Variants in COL4A2 observed in about 807,000 individuals in gnomAD.
COL4A2 encodes collagen type IV alpha 2 chain, also known as collagen alpha-2(IV) chain.
A neutral mutation model predicts 200.2 loss-of-function variants in COL4A2; 99 were observed. The ratio of observed to expected loss-of-function variants is 0.49; its 90% CI spans 0.42 to 0.58. The LOEUF is 0.58. Among genes scored for constraint, COL4A2 ranks in the 20% least tolerant of loss-of-function variants. The probability of loss-of-function intolerance (pLI) is 0.00; values close to 1 mark genes in which losing one functional copy is unlikely to be tolerated. For missense variants in COL4A2, 1,950 were observed against 2,314.1 expected (o/e 0.84, Z 3.23); for synonymous variants, 897 against 900.6 (o/e 1.00, Z 0.07).
chr13:110,439,191 A>G (rs972331796), intron 15 of COL4A2, among the ~76,000 whole-genome samples: 3 of 152,162 alleles, frequency 2.0e-5, no homozygotes, highest in Admixed American at 2.0e-4. Context: ...GACCACACCT[A>G]GCTGAGGGCT....
intron 45 of COL4A2, among the ~76,000 whole-genome samples, chr13:110,504,630 G>A (rs1262321421): frequency 2.6e-5 from 4 of 152,130 alleles, no homozygotes; most frequent in African/African-American, 9.7e-5. Flanking sequence ...TTTGGACAGA[G>A]TCTCGCTCTG....
At chr13:110,467,534 T>C (rs919275190) in intron 27 of COL4A2, among the ~76,000 whole-genome samples, 1 of 152,248 alleles carries the variant, frequency 6.6e-6, no homozygotes, top group Non-Finnish European at 1.5e-5. Context: ...GTGTTTTGTC[T>C]CTAGCACCTG....
chr13:110,406,060 G>A (rs1879556517), intron 4 of COL4A2, among the ~76,000 whole-genome samples: 1 of 152,220 alleles, frequency 6.6e-6, no homozygotes, highest in African/African-American at 2.4e-5. Context: ...TGCAGCTTCC[G>A]AGAAAGTGCT....
At chr13:110,372,741 A>G (rs1878071680) in intron 4 of COL4A2, among the ~76,000 whole-genome samples, 1 of 152,256 alleles carries the variant, frequency 6.6e-6, no homozygotes, top group South Asian at 2.1e-4. Context: ...TGAAGCAAAT[A>G]TTATTTTAAA....
chr13:110,500,014 A>G (rs1466658604), intron 40 of COL4A2, among the ~76,000 whole-genome samples: 1 of 152,146 alleles, frequency 6.6e-6, no homozygotes, highest in East Asian at 1.9e-4. Context: ...ACCCACTTGC[A>G]TGTTGTCTGT....
At chr13:110,374,237 C>A (rs573953236) in intron 4 of COL4A2, among the ~76,000 whole-genome samples, 4 of 152,234 alleles carry the variant, frequency 2.6e-5, no homozygotes, top group South Asian at 2.1e-4. Flanking sequence ...CGTGATGTAA[C>A]CCACTTTTAC....
chr13:110,322,323 G>A (rs975032718), intron 3 of COL4A2, among the ~76,000 whole-genome samples: 4 of 152,260 alleles, frequency 2.6e-5, no homozygotes, highest in Non-Finnish European at 5.9e-5. Flanking sequence ...GGTTGGCTTG[G>A]GCCGCACTGA....
chr13:110,512,198 G>A lies in COL4A2; in HGVS notation c.*7G>A, dbSNP rs759260019. ...GTGCATGAAGAACCTGTGAGCCGGC[G>A]CGTGCCAGGAAGGGCCATTTTGGTG... On this transcript the variant is annotated 3_prime_UTR_variant, in exon 48 of 48. Transcript: ENST00000360467. 3.4e-5 allele frequency: 54 copies of A among 1,608,526 alleles called. 1 individual carries two copies. The East Asian group carries it at 8.9e-4, about 27-fold the overall frequency.
Position 110,511,921 on chromosome 13 carries a change from C to G in COL4A2, c.4882-13C>G, listed in dbSNP as rs375187382. 374 of 1,613,356 alleles carry G rather than the reference C, an allele frequency of 2.3e-4. No individual in the cohort carries two copies. Among genetic ancestry groups the G allele is most frequent in the Non-Finnish European group, 2.2e-4 (263 of 1,180,000 alleles). ...GTGATTCCTAACCCTGTCCTGCCCC[C>G]CTCTCTGTGCAGCACACGGCGGCGG... On this transcript the variant is annotated splice_polypyrimidine_tract_variant and intron_variant, in intron 47 of 47. Coordinates refer to ENST00000360467, the MANE Select transcript of COL4A2 (RefSeq NM_001846.4).
chr13:110,448,912 GA>G (rs1191557290), intron 18 of COL4A2, among the ~76,000 whole-genome samples: 1 of 152,230 alleles, frequency 6.6e-6, no homozygotes, highest in South Asian at 2.1e-4. Flanking sequence ...TTAAGTGGAG[GA>G]GCCAGGTTCA....
intron 4 of COL4A2, among the ~76,000 whole-genome samples, chr13:110,373,635 T>G (rs1878111222): frequency 6.6e-6 from 1 of 152,208 alleles, no homozygotes; most frequent in South Asian, 2.1e-4. Flanking sequence ...CTACAGCCAC[T>G]GCTTACACAT....
intron 4 of COL4A2, among the ~76,000 whole-genome samples, chr13:110,411,932 C>T (rs1005787326): frequency 1.3e-5 from 2 of 152,196 alleles, no homozygotes; most frequent in African/African-American, 2.4e-5. Flanking sequence ...GTACCTACCT[C>T]GTAGAGGTTT....
intron 12 of COL4A2, among the ~76,000 whole-genome samples, chr13:110,435,187 A>G (rs754543877): frequency 6.6e-6 from 1 of 152,264 alleles, no homozygotes; most frequent in Non-Finnish European, 1.5e-5. Flanking sequence ...CATTAATGCC[A>G]TAGAAGAAGT....
chr13:110,461,341 G>A (rs928123153), intron 22 of COL4A2, among the ~76,000 whole-genome samples: 5 of 152,218 alleles, frequency 3.3e-5, no homozygotes, highest in Admixed American at 1.3e-4. Context: ...AAAAGGCACC[G>A]AGCCCGTGGA....
chr13:110,505,164 C>G (rs569894970), intron 45 of COL4A2, among the ~76,000 whole-genome samples: 1 of 151,456 alleles, frequency 6.6e-6, no homozygotes, highest in Non-Finnish European at 1.5e-5. Context: ...TCCTGGCTAA[C>G]ACGGTGAAAC....
Position 110,467,028 on chromosome 13 carries a change from T to C in COL4A2, c.2039-12T>C, listed in dbSNP as rs1882268147. ...ATTGCTTGGGCTCATCTTTTCTCCT[T>C]TCTGTCCCCAGGTTGCATAGGAGGG... On this transcript the variant is annotated splice_polypyrimidine_tract_variant and intron_variant, in intron 26 of 47. Transcript: ENST00000360467. The C allele has an allele frequency of 6.2e-7, 1 of 1,613,944 alleles. No individual in the cohort carries two copies. The highest frequency in any genetic ancestry group is 2.2e-5 in the East Asian group (1 of 44,856).
chr13:110,360,083 G>A (rs1304695090), intron 4 of COL4A2, among the ~76,000 whole-genome samples: 4 of 152,174 alleles, frequency 2.6e-5, no homozygotes, highest in Non-Finnish European at 5.9e-5. Context: ...TTTTCCCAAC[G>A]ACACTTCTGT....
intron 3 of COL4A2, among the ~76,000 whole-genome samples, chr13:110,319,113 C>T (rs567066797): frequency 6.6e-6 from 1 of 151,598 alleles, no homozygotes; most frequent in African/African-American, 2.4e-5. Context: ...CTGGTGGGTG[C>T]GGGGGCCTGT....
intron 4 of COL4A2, among the ~76,000 whole-genome samples, chr13:110,374,892 C>G (rs1381100446): frequency 1.3e-5 from 2 of 152,188 alleles, no homozygotes; most frequent in Non-Finnish European, 2.9e-5. Flanking sequence ...GGAAGTTGTT[C>G]AAGTCTTACC....
Sources: gnomAD v4.1 joint callset for allele counts (sites outside exome capture counted in the v4.1 genomes callset) on GRCh38, gnomAD v4.1.1 for gene constraint, MANE v1.5 for transcripts, NCBI Gene and HGNC (gene_info 2026-07-23, HGNC 2026-07-21) for gene names.